Variants in CEP85L observed in about 807,000 individuals in gnomAD.
The protein encoded by CEP85L is centrosomal protein 85L.
In CEP85L, 60 loss-of-function variants were observed where a neutral mutation model predicts 100.3. The observed-to-expected ratio is 0.60, with a 90% CI of 0.49 to 0.74. The LOEUF (loss-of-function observed/expected upper bound fraction) is 0.74, where lower values mean the gene tolerates loss of function less well. CEP85L is among the 30% of genes least tolerant of loss of function. The pLI, the probability that CEP85L is intolerant of heterozygous loss-of-function variation, is 0.00. For synonymous variants in CEP85L, 319 were observed against 322.7 expected (o/e 0.99, Z 0.12); for missense variants, 973 against 936.2 (o/e 1.04, Z -0.51).
chr6:118,497,099 C>G (rs562459875), intron 5 of CEP85L, among the ~76,000 whole-genome samples: 3 of 152,120 alleles, frequency 2.0e-5, no homozygotes, highest in Non-Finnish European at 4.4e-5. Flanking sequence ...GGATAGCGAC[C>G]CACTTGTAAA....
chr6:118,506,359 CTG>C (rs1775656972), intron 5 of CEP85L, among the ~76,000 whole-genome samples: 1 of 152,114 alleles, frequency 6.6e-6, no homozygotes, highest in African/African-American at 2.4e-5. Context: ...TAGGTGGACT[CTG>C]TGATATAGGG....
chr6:118,503,032 A>C, intron 5 of CEP85L: 1 of 223,982 alleles, frequency 4.5e-6, no homozygotes, highest in Non-Finnish European at 9.0e-6. Context: ...TTGTGCTTTT[A>C]ATTAAACTTC....
At chr6:118,677,842 T>C (rs1776531083) in intron 1 of CEP85L, among the ~76,000 whole-genome samples, 1 of 152,216 alleles carries the variant, frequency 6.6e-6, no homozygotes, top group South Asian at 2.1e-4. Context: ...AAATACATCT[T>C]ACATTCATCT....
At chr6:118,655,470 A>G (rs1038339969), upstream of CEP85L, among the ~76,000 whole-genome samples, 3 of 152,220 alleles carry the variant, frequency 2.0e-5, no homozygotes, top group African/African-American at 7.2e-5. Flanking sequence ...TCCTGAGCGT[A>G]TGAAAAGAGA....
At chr6:118,608,045 T>C (rs7740645) in intron 2 of CEP85L, among the ~76,000 whole-genome samples, 1 of 151,936 alleles carries the variant, frequency 6.6e-6, no homozygotes, top group African/African-American at 2.4e-5. Flanking sequence ...AATAAAAGGA[T>C]GGCTGCTCCA....
chr6:118,472,908 T>C (rs1773074491), intron 10 of CEP85L, among the ~76,000 whole-genome samples: 1 of 152,150 alleles, frequency 6.6e-6, no homozygotes, highest in Admixed American at 6.5e-5. Flanking sequence ...ACAGTGGAAA[T>C]AAGCACATTT....
chr6:118,598,476 C>G (rs1465491870), intron 2 of CEP85L, among the ~76,000 whole-genome samples: 1 of 152,086 alleles, frequency 6.6e-6, no homozygotes, highest in African/African-American at 2.4e-5. Context: ...AGGGTGAGCC[C>G]TAAGTCCACT....
At chr6:118,512,690 A>G (rs1776039204) in intron 4 of CEP85L, among the ~76,000 whole-genome samples, 1 of 152,192 alleles carries the variant, frequency 6.6e-6, no homozygotes, top group African/African-American at 2.4e-5. Flanking sequence ...GGTTTGTAAG[A>G]TGAGTCTTGT....
chr6:118,550,703 G>T (rs1778490855), intron 3 of CEP85L, among the ~76,000 whole-genome samples: 1 of 151,830 alleles, frequency 6.6e-6, no homozygotes, highest in Non-Finnish European at 1.5e-5. Context: ...GATCAGCATG[G>T]CTTAAAGTAA....
At chr6:118,626,528 G>A (rs573904421) in intron 2 of CEP85L, among the ~76,000 whole-genome samples, 38 of 152,274 alleles carry the variant, frequency 2.5e-4, no homozygotes, top group Admixed American at 4.6e-4. Context: ...TCTAAGGCAT[G>A]TCACAAAATA....
intron 1 of CEP85L, among the ~76,000 whole-genome samples, chr6:118,658,000 A>T (rs1775855370): frequency 6.6e-6 from 1 of 152,172 alleles, no homozygotes; most frequent in South Asian, 2.1e-4. Context: ...TTTTCAGCGT[A>T]TTGCTTACCC....
Position 118,612,397 on chromosome 6 carries a change from C to A in CEP85L, c.232+20056G>T, listed in dbSNP as rs1239569302. Reference sequence around the variant, plus strand: ...AAACGGCCAGGTGCGGTGGCTCACACCTATAATCCCGGCACTTTGTGAGGC... The same window carrying A: ...AAACGGCCAGGTGCGGTGGCTCACAACTATAATCCCGGCACTTTGTGAGGC... On this transcript the variant is annotated intron_variant, in intron 2 of 12. Coordinates refer to ENST00000368491, the MANE Select transcript of CEP85L (RefSeq NM_001042475.3). Among the ~76,000 whole-genome samples, 4 of 151,990 alleles carry A rather than the reference C, an allele frequency of 2.6e-5. No individual in the cohort carries two copies. In the East Asian group the frequency reaches 7.7e-4, roughly 29 times the overall value.
At chr6:118,673,325 AT>A (rs1221023409) in intron 1 of CEP85L, among the ~76,000 whole-genome samples, 10 of 152,248 alleles carry the variant, frequency 6.6e-5, no homozygotes, top group Non-Finnish European at 4.4e-5. Flanking sequence ...CCAAAGGGAT[AT>A]GAAAATATGA....
At chr6:118,628,710 G>T (rs1272800880) in intron 2 of CEP85L, among the ~76,000 whole-genome samples, 5 of 151,854 alleles carry the variant, frequency 3.3e-5, no homozygotes, top group African/African-American at 4.8e-5. Context: ...AACTACAAAA[G>T]GTATGCCTTA....
chr6:118,595,033 A>G (rs918059675), intron 2 of CEP85L, among the ~76,000 whole-genome samples: 2 of 152,004 alleles, frequency 1.3e-5, no homozygotes, highest in Non-Finnish European at 2.9e-5. Flanking sequence ...TTTTGCCTCA[A>G]GGTCCTATAC....
chr6:118,660,114 C>G (rs1583235770), intron 1 of CEP85L, among the ~76,000 whole-genome samples: 1 of 152,222 alleles, frequency 6.6e-6, no homozygotes, highest in African/African-American at 2.4e-5. Flanking sequence ...AAGTACCTAT[C>G]TGCTACATGT....
intron 4 of CEP85L, among the ~76,000 whole-genome samples, chr6:118,514,311 G>A (rs752872758): frequency 1.3e-5 from 2 of 151,922 alleles, no homozygotes; most frequent in African/African-American, 2.4e-5. Context: ...GATCACTTGA[G>A]GTCCGGAGTT....
chr6:118,488,240 T>C (rs564449915), intron 6 of CEP85L, among the ~76,000 whole-genome samples: 2 of 151,986 alleles, frequency 1.3e-5, no homozygotes, highest in East Asian at 1.9e-4. Context: ...AAAACCAAGA[T>C]ACATGATTTG....
intron 5 of CEP85L, chr6:118,502,126 A>G: frequency 1.8e-6 from 2 of 1,142,136 alleles, no homozygotes; most frequent in Non-Finnish European, 2.5e-6. Context: ...GACAACTGGA[A>G]GACTTCAGTC....
Sources: gnomAD v4.1 joint callset for allele counts (sites outside exome capture counted in the v4.1 genomes callset) on GRCh38, gnomAD v4.1.1 for gene constraint, MANE v1.5 for transcripts, NCBI Gene and HGNC (gene_info 2026-07-23, HGNC 2026-07-21) for gene names.